The following PDE4B variants were observed in gnomAD, a reference collection of about 807,000 sequenced individuals.
PDE4B encodes 3',5'-cyclic-AMP phosphodiesterase 4B.
Under a neutral mutation model 82.2 loss-of-function variants are expected in PDE4B, and 20 were observed. The observed-to-expected ratio is 0.24, with a 90% CI of 0.17 to 0.35. The LOEUF (loss-of-function observed/expected upper bound fraction) is 0.35. Ranked by LOEUF, PDE4B falls within the 10% of genes least tolerant of loss-of-function variation. The pLI is 1.00. For synonymous variants in PDE4B, 320 were observed against 318.9 expected, an observed-to-expected ratio of 1.00 and a Z score of -0.04; for missense variants, 655 against 907.2, an observed-to-expected ratio of 0.72 and a Z score of 3.57.
chr1:66,022,346 G>T (rs1653176860), intron 3 of PDE4B, among the ~76,000 whole-genome samples: 1 of 152,070 alleles, frequency 6.6e-6, no homozygotes, highest in Non-Finnish European at 1.5e-5. Context: ...CAACACTGTT[G>T]AATAGGAGTG....
intron 1 of PDE4B, among the ~76,000 whole-genome samples, chr1:65,812,821 G>A (rs1283938382): frequency 6.6e-6 from 1 of 152,148 alleles, no homozygotes; most frequent in East Asian, 1.9e-4. Context: ...ATAGCACTGG[G>A]CAGGGGTTGG....
At chr1:65,966,561 T>G (rs974070436) in intron 3 of PDE4B, among the ~76,000 whole-genome samples, 1 of 152,286 alleles carries the variant, frequency 6.6e-6, no homozygotes, top group Non-Finnish European at 1.5e-5. Context: ...AAATTTTACA[T>G]GGAACCAAAA....
At chr1:66,184,704 AG>A (rs1647143378) in intron 3 of PDE4B, among the ~76,000 whole-genome samples, 1 of 152,150 alleles carries the variant, frequency 6.6e-6, no homozygotes. Context: ...CACTTGGCAA[AG>A]CACCAAGTAA....
intron 1 of PDE4B, among the ~76,000 whole-genome samples, chr1:65,825,310 C>T (rs1338532854): frequency 2.0e-5 from 3 of 152,048 alleles, no homozygotes; most frequent in Non-Finnish European, 4.4e-5. Flanking sequence ...AAGGGCAAAA[C>T]CCTAAAACAA....
At chr1:66,111,447 ACC>A (rs1485602882) in intron 3 of PDE4B, among the ~76,000 whole-genome samples, 3 of 152,068 alleles carry the variant, frequency 2.0e-5, no homozygotes, top group Non-Finnish European at 4.4e-5. Flanking sequence ...GTTCCTGGCA[ACC>A]ACCATTCTAC....
At chr1:66,103,561 CT>C (rs750003062) in intron 3 of PDE4B, among the ~76,000 whole-genome samples, 3 of 152,078 alleles carry the variant, frequency 2.0e-5, no homozygotes, top group Non-Finnish European at 4.4e-5. Context: ...GCAGCCTTGG[CT>C]TTTCTAGTGA....
At chr1:66,242,084 A>T (rs964706474) in intron 3 of PDE4B, among the ~76,000 whole-genome samples, 1 of 152,190 alleles carries the variant, frequency 6.6e-6, no homozygotes, top group African/African-American at 2.4e-5. Context: ...ATAAGTAAAC[A>T]CAAGAGTATA....
At chr1:66,041,799 TACACACACAC>T (rs376075112) in intron 3 of PDE4B, among the ~76,000 whole-genome samples, 30 of 139,140 alleles carry the variant, frequency 2.2e-4, no homozygotes, top group Middle Eastern at 3.7e-3. Context: ...TGCTTTGAAA[TACACACACAC>T]ACACACACAC....
At chr1:66,006,032 T>C (rs1443132275) in intron 3 of PDE4B, among the ~76,000 whole-genome samples, 6 of 152,192 alleles carry the variant, frequency 3.9e-5, no homozygotes, top group Non-Finnish European at 7.3e-5. Context: ...GGCAGAAGCA[T>C]TTAGAAAGGA....
rs561876929 is a variant in PDE4B at position 65,808,121 on chromosome 1, A to C, written c.-71+14873A>C. On this transcript the variant is annotated intron_variant, in intron 1 of 16. Transcript: ENST00000341517. Reference sequence around the variant, plus strand: ...TGAAGTGTAAGTAGGGCTTTGAGTCAGTGAGGATTAAAGGGAGTGTTGGGT... The same window carrying C: ...TGAAGTGTAAGTAGGGCTTTGAGTCCGTGAGGATTAAAGGGAGTGTTGGGT... 2.0e-5 allele frequency among the ~76,000 whole-genome samples: 3 copies of C among 151,846 alleles called. No individual in the cohort carries two copies. In the East Asian group the frequency reaches 5.8e-4, roughly 29 times the overall value.
At chr1:66,064,892 A>G (rs962574255) in intron 3 of PDE4B, among the ~76,000 whole-genome samples, 3 of 151,994 alleles carry the variant, frequency 2.0e-5, no homozygotes, top group Non-Finnish European at 4.4e-5. Context: ...GAAACTTTAT[A>G]GTCTTTTCCC....
intron 7 of PDE4B, among the ~76,000 whole-genome samples, chr1:66,289,657 T>C (rs1656929795): frequency 6.6e-6 from 1 of 151,822 alleles, no homozygotes; most frequent in Non-Finnish European, 1.5e-5. Flanking sequence ...TTGGATTATA[T>C]TAAAGCAAAT....
intron 3 of PDE4B, among the ~76,000 whole-genome samples, chr1:66,063,119 T>C (rs1655668587): frequency 6.6e-6 from 1 of 152,024 alleles, no homozygotes; most frequent in African/African-American, 2.4e-5. Context: ...CCATAGTAGA[T>C]ATCATTTGTT....
At position 65,792,965 on chromosome 1, in the gene PDE4B, A is replaced by G. The variant is rs1323350731; in HGVS notation, c.-354A>G. ...CTCCCTGGCGCGGGTTCCCCAGGCT[A>G]GCCCGCTGGCCCGTCCGCGCGCGCG... On this transcript the variant is annotated 5_prime_UTR_variant, in exon 1 of 17. Coordinates refer to ENST00000341517, the MANE Select transcript of PDE4B (RefSeq NM_002600.4). 6.6e-6 allele frequency among the ~76,000 whole-genome samples: 1 copy of G among 151,704 alleles called. No homozygotes were observed. The highest frequency in any genetic ancestry group is 1.5e-5 in the Non-Finnish European group (1 of 67,850).
chr1:65,878,126 A>C (rs2100331054), intron 1 of PDE4B, among the ~76,000 whole-genome samples: 1 of 152,282 alleles, frequency 6.6e-6, no homozygotes, highest in Admixed American at 6.5e-5. Flanking sequence ...AACAAACATG[A>C]AAAAAGCTCA....
chr1:66,110,766 A>G (rs1376638020), intron 3 of PDE4B, among the ~76,000 whole-genome samples: 1 of 152,140 alleles, frequency 6.6e-6, no homozygotes, highest in Admixed American at 6.6e-5. Flanking sequence ...CCTAGTATGT[A>G]GTAAGCACTC....
intron 3 of PDE4B, among the ~76,000 whole-genome samples, chr1:66,062,407 A>T (rs1655624445): frequency 6.6e-6 from 1 of 152,090 alleles, no homozygotes; most frequent in Non-Finnish European, 1.5e-5. Context: ...GGGATTCTGT[A>T]TAACTCTCTT....
chr1:66,023,794 G>A (rs1653280372), intron 3 of PDE4B, among the ~76,000 whole-genome samples: 1 of 152,034 alleles, frequency 6.6e-6, no homozygotes, highest in Admixed American at 6.6e-5. Flanking sequence ...TAATAATAAT[G>A]TTTAGGAGAT....
At chr1:66,181,057 C>G (rs1647053737) in intron 3 of PDE4B, among the ~76,000 whole-genome samples, 1 of 152,132 alleles carries the variant, frequency 6.6e-6, no homozygotes, top group South Asian at 2.1e-4. Flanking sequence ...CTGCATGTAA[C>G]AGGCCTCAAT....
Sources: gnomAD v4.1 joint callset for allele counts (sites outside exome capture counted in the v4.1 genomes callset) on GRCh38, gnomAD v4.1.1 for gene constraint, MANE v1.5 for transcripts, NCBI Gene and HGNC (gene_info 2026-07-23, HGNC 2026-07-21) for gene names.